TACC1: variants seen among roughly 807,000 people sequenced by gnomAD.
TACC1 encodes transforming acidic coiled-coil containing protein 1.
Under a neutral mutation model 84.4 loss-of-function variants are expected in TACC1, and 48 were observed. The observed-to-expected ratio is 0.57, with a 90% confidence interval of 0.45 to 0.72. The LOEUF is 0.72. Ranked by LOEUF, TACC1 falls within the 30% of genes least tolerant of loss-of-function variation. TACC1 has a pLI of 0.00. For synonymous variants in TACC1, 372 were observed against 376.3 expected, an observed-to-expected ratio of 0.99 and a Z score of 0.13; for missense variants, 920 against 973.0, an observed-to-expected ratio of 0.95 and a Z score of 0.72.
intron 1 of TACC1, among the ~76,000 whole-genome samples, chr8:38,736,430 C>T (rs1365530331): frequency 6.6e-6 from 1 of 151,978 alleles, no homozygotes; most frequent in East Asian, 1.9e-4. Context: ...GCCTGGGCAA[C>T]ACAGTGAGAC....
chr8:38,841,899 C>A (rs1355427864), intron 9 of TACC1, among the ~76,000 whole-genome samples: 1 of 152,290 alleles, frequency 6.6e-6, no homozygotes, highest in Admixed American at 6.5e-5. Flanking sequence ...CACTAAATTG[C>A]CGAAATGATA....
rs551512030 is a variant in TACC1 at position 38,787,861 on chromosome 8, G to T, written c.161+118G>T. 4.9e-6 allele frequency: 5 copies of T among 1,023,556 alleles called. No individual in the cohort carries two copies. The African/African-American group carries it at 8.5e-5, about 17-fold the overall frequency. The allele number at this position is 1,023,556 out of a possible 1,614,324, so 63.4% of individuals were successfully genotyped here. On this transcript the variant is annotated intron_variant, in intron 1 of 12. Coordinates refer to ENST00000317827, the MANE Select transcript of TACC1 (RefSeq NM_006283.3). ...GAAACCGTCCTCACGGCCGTGCCGC[G>T]TCCCTGCCCGGAGCCGGGTCCCCGT...
rs183786356 is a variant in TACC1, at chr8:38,802,785, A to G, written c.277+13966A>G. On this transcript the variant is annotated intron_variant, in intron 2 of 12. Coordinates refer to ENST00000317827, the MANE Select transcript of TACC1 (RefSeq NM_006283.3). ...CGAGAAGGAGAAAGAGAGAAAGAGA[A>G]AAGGAGGCGCTGGGCTCTTTAATAA... Among the ~76,000 whole-genome samples, 14 of 152,280 alleles carry G rather than the reference A, an allele frequency of 9.2e-5. No homozygotes were observed. The East Asian group carries it at 2.7e-3, about 29-fold the overall frequency.
intron 3 of TACC1, among the ~76,000 whole-genome samples, chr8:38,757,750 CAG>C (rs1000562110): frequency 2.6e-5 from 4 of 152,102 alleles, no homozygotes; most frequent in African/African-American, 9.7e-5. Context: ...ATTCACAAGA[CAG>C]AGTTATTTGT....
At chr8:38,831,233 T>C in intron 6 of TACC1, 56 bp downstream of exon 6, 1 of 1,564,532 alleles carries the variant, frequency 6.4e-7, no homozygotes. Context: ...AGTATTTGTT[T>C]TGAAGCCCAT....
rs191036946 is a variant in TACC1, at chr8:38,762,033, A to G, written c.26+16540A>G. On this transcript the variant is annotated intron_variant, in intron 3 of 14. Transcript: ENST00000518415. The stretch of plus-strand genomic sequence containing the variant: ...ACTGAATTTAGATATTGCAACTTCT[A>G]GACTATGAGGGTAGTTGAAATAGAA... 1.8e-4 allele frequency among the ~76,000 whole-genome samples: 27 copies of G among 152,356 alleles called. 1 individual carries two copies. In the East Asian group the frequency reaches 4.6e-3, roughly 26 times the overall value.
At chr8:38,809,491 C>A (rs1823564416) in intron 2 of TACC1, among the ~76,000 whole-genome samples, 1 of 152,060 alleles carries the variant, frequency 6.6e-6, no homozygotes. Flanking sequence ...TGGTGCACAC[C>A]CCCTTTTGAG....
chr8:38,825,603 A>G (rs558159140), intron 4 of TACC1, among the ~76,000 whole-genome samples: 9 of 152,226 alleles, frequency 5.9e-5, no homozygotes, highest in Admixed American at 3.9e-4. Context: ...TAAATGCTAC[A>G]AAGATGCATC....
upstream of TACC1, among the ~76,000 whole-genome samples, chr8:38,782,531 T>C (rs1816240882): frequency 6.6e-6 from 1 of 152,246 alleles, no homozygotes; most frequent in Admixed American, 6.5e-5. Flanking sequence ...TTTAGGTATA[T>C]ACCCAGTAAT....
chr8:38,783,098 C>CTA (rs1462143679), upstream of TACC1, among the ~76,000 whole-genome samples: 130 of 116,386 alleles, frequency 1.1e-3, no homozygotes, highest in African/African-American at 2.7e-3. Flanking sequence ...ATCTATCTAT[C>CTA]TATCTATCTA....
rs564386061 is a variant in TACC1 at position 38,838,274 on chromosome 8, C to T, written c.1840-196C>T. 2.0e-5 allele frequency among the ~76,000 whole-genome samples: 3 copies of T among 152,346 alleles called. No homozygotes were observed. The South Asian group carries it at 6.2e-4, about 32-fold the overall frequency. On this transcript the variant is annotated intron_variant, in intron 7 of 12. Transcript: ENST00000317827. ...GAGAGATGTTCTACTCATCTTTATT[C>T]CCGTGTCTGCATCCCAGCATTCAGT...
chr8:38,748,820 TG>T (rs1198916229), intron 3 of TACC1, among the ~76,000 whole-genome samples: 6 of 152,140 alleles, frequency 3.9e-5, no homozygotes, highest in South Asian at 4.1e-4. Context: ...TTTACAGTTT[TG>T]AAAGCCTATA....
intron 3 of TACC1, among the ~76,000 whole-genome samples, chr8:38,774,073 G>A (rs1814281113): frequency 1.3e-5 from 2 of 151,990 alleles, no homozygotes; most frequent in Non-Finnish European, 2.9e-5. Context: ...CTTCAACCAC[G>A]CTTACTCAAA....
intron 3 of TACC1, among the ~76,000 whole-genome samples, chr8:38,775,746 A>G (rs1166966486): frequency 6.6e-6 from 1 of 152,232 alleles, no homozygotes; most frequent in East Asian, 1.9e-4. Flanking sequence ...TCATTTGTTC[A>G]GAAAATAATG....
chr8:38,841,167 G>A lies in TACC1; in HGVS notation c.1960+900G>A, dbSNP rs139425070. 2.0e-4 allele frequency among the ~76,000 whole-genome samples: 31 copies of A among 152,304 alleles called. 1 individual carries two copies. The highest frequency in any genetic ancestry group is 7.0e-4 in the African/African-American group (29 of 41,570). ...ATAACCTTGTTTTACGTGTGTTCCT[G>A]TTTAAAGACACCTTATTTAATATAT... On this transcript the variant is annotated intron_variant, in intron 9 of 12. Transcript: ENST00000317827.
At chr8:38,745,915 A>T (rs937805756) in intron 3 of TACC1, among the ~76,000 whole-genome samples, 1 of 152,172 alleles carries the variant, frequency 6.6e-6, no homozygotes, top group Non-Finnish European at 1.5e-5. Context: ...GTGCGATCCC[A>T]GCTCACTGCA....
At chr8:38,782,926 T>A (rs1816318034), upstream of TACC1, among the ~76,000 whole-genome samples, 1 of 152,166 alleles carries the variant, frequency 6.6e-6, no homozygotes, top group African/African-American at 2.4e-5. Context: ...CAACAACTGC[T>A]TCTTTAATAT....
intron 2 of TACC1, among the ~76,000 whole-genome samples, chr8:38,743,090 G>A (rs146855331): frequency 6.6e-6 from 1 of 152,328 alleles, no homozygotes; most frequent in East Asian, 1.9e-4. Flanking sequence ...GCTCTGTTCT[G>A]TGAGTCAGTT....
At chr8:38,827,397 T>C in intron 5 of TACC1, 22 bp downstream of exon 5, 1 of 1,611,866 alleles carries the variant, frequency 6.2e-7, no homozygotes, top group Non-Finnish European at 8.5e-7. Flanking sequence ...TATCTTCATC[T>C]TTCTAATGTA....
Sources: gnomAD v4.1 joint callset for allele counts (sites outside exome capture counted in the v4.1 genomes callset) on GRCh38, gnomAD v4.1.1 for gene constraint, MANE v1.5 for transcripts, NCBI Gene and HGNC (gene_info 2026-07-23, HGNC 2026-07-21) for gene names.